The following MMP16 variants were observed in gnomAD, a reference collection of about 807,000 sequenced individuals.
MMP16 encodes matrix metalloproteinase-16.
In MMP16, 12 loss-of-function variants were observed where a neutral mutation model predicts 67.8. That is an observed-to-expected ratio of 0.18 (90% CI 0.11 to 0.29). MMP16 has a LOEUF of 0.29. Ranked by LOEUF, MMP16 falls within the 10% of genes least tolerant of loss-of-function variation. The probability of loss-of-function intolerance (pLI) is 1.00; values close to 1 mark genes in which losing one functional copy is unlikely to be tolerated. For missense variants in MMP16, 475 were observed against 765.7 expected (o/e 0.62, Z 4.48); for synonymous variants, 249 against 255.9 (o/e 0.97, Z 0.26).
At chr8:88,152,450 A>T (rs1284428608) in intron 4 of MMP16, among the ~76,000 whole-genome samples, 2 of 38,164 alleles carry the variant, frequency 5.2e-5, no homozygotes, top group Non-Finnish European at 9.5e-5. Flanking sequence ...ATGAACATTG[A>T]TGCAAAAATC....
In MMP16 at chr8:88,034,077, T is replaced by C. The variant is rs1160848196; in HGVS notation, c.*7384A>G. 1 of 151,964 alleles carries C rather than the reference T, an allele frequency of 6.6e-6. No individual in the cohort carries two copies. The highest frequency in any genetic ancestry group is 1.5e-5 in the Non-Finnish European group (1 of 67,928). 9.4% of individuals were successfully genotyped at this position (151,964 alleles called of 1,614,324 possible). ...CTCTATAAAAAGTTAGAAAAGCCAA[T>C]GAGAGAGGTTGGGATGTATGTCAAC... is the stretch of plus-strand genomic sequence containing the variant. On this transcript the variant is annotated 3_prime_UTR_variant, in exon 10 of 10. Transcript: ENST00000286614.
Position 88,116,437 on chromosome 8 carries a change from G to T in MMP16, c.1083+70C>A. ...GGGAAGGTAGTGTTAGAATGAATGA[G>T]AACTTGTTTTCTAAAGCAACACTAG... On this transcript the variant is annotated intron_variant, in intron 6 of 9. Coordinates refer to ENST00000286614, the MANE Select transcript of MMP16 (RefSeq NM_005941.5). 3.0e-6 allele frequency: 4 copies of T among 1,345,892 alleles called. No homozygotes were observed. In the South Asian group the frequency reaches 3.8e-5, roughly 13 times the overall value. The allele number at this position is 1,345,892 out of a possible 1,614,324, so 83.4% of individuals were successfully genotyped here. A position where few individuals can be genotyped will look rare whatever the true frequency, so the allele number is the denominator to read the frequency against.
chr8:88,212,965 C>T (rs962396647), intron 1 of MMP16, among the ~76,000 whole-genome samples: 1 of 152,140 alleles, frequency 6.6e-6, no homozygotes, highest in African/African-American at 2.4e-5. Context: ...GAAAACTCTA[C>T]TTCTGAATAA....
At chr8:88,180,728 G>C (rs1470266448) in intron 3 of MMP16, among the ~76,000 whole-genome samples, 2 of 151,510 alleles carry the variant, frequency 1.3e-5, no homozygotes, top group African/African-American at 4.8e-5. Flanking sequence ...ACCAGATAAA[G>C]ATACAAAAAA....
intron 1 of MMP16, among the ~76,000 whole-genome samples, chr8:88,303,514 G>A (rs1179830327): frequency 4.6e-5 from 7 of 152,208 alleles, no homozygotes; most frequent in Admixed American, 3.9e-4. Context: ...GACTGGGCGT[G>A]CCCTCCCAAC....
rs1430516731 is a variant in MMP16, at chr8:88,252,515, T to A, written c.133-55209A>T. Among the ~76,000 whole-genome samples, 3 of 151,932 alleles carry A rather than the reference T, an allele frequency of 2.0e-5. No homozygotes were observed. The South Asian group carries it at 6.2e-4, about 32-fold the overall frequency. ...GCTTAGTAAAAACAAACCAATAATC[T>A]CTTACATGTCAAACATAAAAAAGGA... On this transcript the variant is annotated intron_variant, in intron 1 of 9. Transcript: ENST00000286614.
chr8:88,174,109 C>A (rs956977842), intron 3 of MMP16, among the ~76,000 whole-genome samples: 6 of 152,116 alleles, frequency 3.9e-5, no homozygotes, highest in African/African-American at 1.4e-4. Context: ...AAAATAACTT[C>A]CAGTGTGTCC....
chr8:88,122,566 T>C (rs1444643312), intron 4 of MMP16, among the ~76,000 whole-genome samples: 1 of 151,888 alleles, frequency 6.6e-6, no homozygotes, highest in Non-Finnish European at 1.5e-5. Context: ...ACAGTCCATA[T>C]CTAGAAATAA....
chr8:88,325,998 C>T (rs1267602468), intron 1 of MMP16, among the ~76,000 whole-genome samples: 1 of 152,142 alleles, frequency 6.6e-6, no homozygotes, highest in African/African-American at 2.4e-5. Context: ...TGTGTAAACA[C>T]ACACTCCCAG....
chr8:88,248,990 C>A (rs1394980778), intron 1 of MMP16, among the ~76,000 whole-genome samples: 1 of 151,440 alleles, frequency 6.6e-6, no homozygotes, highest in African/African-American at 2.4e-5. Context: ...AAGAAACAAA[C>A]AAACAAAAAA....
intron 4 of MMP16, 47 bp downstream of exon 4, chr8:88,167,622 G>A (rs1808735445): frequency 1.3e-6 from 2 of 1,484,246 alleles, no homozygotes; most frequent in South Asian, 2.8e-5. Flanking sequence ...TGGTTATTCT[G>A]AAATAATAAT....
At chr8:88,267,319 T>A (rs757759057) in intron 1 of MMP16, among the ~76,000 whole-genome samples, 1 of 152,172 alleles carries the variant, frequency 6.6e-6, no homozygotes, top group African/African-American at 2.4e-5. Flanking sequence ...CAGCTAGTGG[T>A]GGTTAAGTCT....
At chr8:88,185,966 T>C (rs1319153541) in intron 3 of MMP16, among the ~76,000 whole-genome samples, 2 of 152,150 alleles carry the variant, frequency 1.3e-5, no homozygotes, top group Non-Finnish European at 2.9e-5. Context: ...AATTACAAAA[T>C]AAATAAATGT....
intron 2 of MMP16, among the ~76,000 whole-genome samples, chr8:88,194,123 T>C (rs1809213862): frequency 6.6e-6 from 1 of 151,974 alleles, no homozygotes; most frequent in African/African-American, 2.4e-5. Flanking sequence ...TGTTTGAAAA[T>C]GGTTAATTTA....
chr8:88,147,417 G>A (rs1408176633), intron 4 of MMP16, among the ~76,000 whole-genome samples: 1 of 151,890 alleles, frequency 6.6e-6, no homozygotes, highest in Non-Finnish European at 1.5e-5. Context: ...TTATTAATGT[G>A]TGCATGCAAT....
chr8:88,206,916 C>T (rs1240442710), intron 1 of MMP16, among the ~76,000 whole-genome samples: 1 of 152,140 alleles, frequency 6.6e-6, no homozygotes, highest in Non-Finnish European at 1.5e-5. Flanking sequence ...TTCTCCCAGC[C>T]TCTGGTAACT....
At chr8:88,159,733 GT>G (rs1219240735) in intron 4 of MMP16, among the ~76,000 whole-genome samples, 3 of 152,142 alleles carry the variant, frequency 2.0e-5, no homozygotes, top group South Asian at 2.1e-4. Context: ...AATTCTTCTA[GT>G]TTTTGCCCAT....
intron 8 of MMP16, among the ~76,000 whole-genome samples, chr8:88,054,859 T>C: frequency 6.6e-6 from 1 of 152,182 alleles, no homozygotes; most frequent in African/African-American, 2.4e-5. Context: ...TTGGAGACAT[T>C]GCATAGGGTT....
chr8:88,064,700 T>G (rs771518444), intron 7 of MMP16, among the ~76,000 whole-genome samples: 13 of 152,134 alleles, frequency 8.5e-5, no homozygotes, highest in Non-Finnish European at 1.3e-4. Flanking sequence ...AATAAACAAG[T>G]AACACTAATC....
Sources: allele counts gnomAD v4.1 joint callset (sites outside exome capture counted in the v4.1 genomes callset), GRCh38; gene constraint gnomAD v4.1.1; transcripts MANE v1.5; gene names NCBI Gene and HGNC (gene_info 2026-07-23, HGNC 2026-07-21).